Variants in GALNT13 observed in about 807,000 individuals in gnomAD.
GALNT13 encodes the protein UDP-GalNAc:polypeptide N-acetylgalactosaminyltransferase 13.
In GALNT13, 28 loss-of-function variants were observed where a neutral mutation model predicts 64.2. The ratio of observed to expected loss-of-function variants is 0.44; its 90% CI spans 0.32 to 0.60. GALNT13 has a LOEUF of 0.60. GALNT13 is among the 20% of genes least tolerant of loss of function. The pLI, the probability that GALNT13 is intolerant of heterozygous loss-of-function variation, is 0.05. For synonymous variants in GALNT13, 214 were observed against 224.6 expected, an observed-to-expected ratio of 0.95 and a Z score of 0.42; for missense variants, 577 against 669.8, an observed-to-expected ratio of 0.86 and a Z score of 1.53.
At chr2:153,241,554 A>G in the GALNT13 span, among the ~76,000 whole-genome samples, 3 of 151,960 alleles carry the variant, frequency 2.0e-5, no homozygotes, top group Non-Finnish European at 4.4e-5. Context: ...GGTCCTTCAA[A>G]CGCTACTCCA....
the GALNT13 span, among the ~76,000 whole-genome samples, chr2:153,387,662 A>G: frequency 6.6e-6 from 1 of 152,080 alleles, no homozygotes; most frequent in Admixed American, 6.6e-5. Flanking sequence ...ATTTTTACTT[A>G]TAGGAATAAA....
At chr2:153,619,594 C>T in the GALNT13 span, among the ~76,000 whole-genome samples, 1,064 of 152,104 alleles carry the variant, frequency 7.0e-3, 8 homozygotes, top group African/African-American at 0.024. Flanking sequence ...TCTTATAGGA[C>T]GGGCCTTGTA....
the GALNT13 span, among the ~76,000 whole-genome samples, chr2:153,633,900 A>G: frequency 6.6e-6 from 1 of 152,224 alleles, no homozygotes; most frequent in Non-Finnish European, 1.5e-5. Context: ...AAGTCTGTGG[A>G]CAGAACTGTC....
At chr2:153,601,987 G>T in the GALNT13 span, among the ~76,000 whole-genome samples, 1 of 151,764 alleles carries the variant, frequency 6.6e-6, no homozygotes, top group Non-Finnish European at 1.5e-5. Context: ...GCTTAAATTG[G>T]CAAATTCTCA....
the GALNT13 span, among the ~76,000 whole-genome samples, chr2:153,847,163 T>C: frequency 6.6e-6 from 1 of 151,990 alleles, no homozygotes; most frequent in African/African-American, 2.4e-5. Flanking sequence ...CCTTTCACAA[T>C]GACAAAGGGG....
chr2:154,373,224 A>T (rs1340294048), intron 9 of GALNT13, among the ~76,000 whole-genome samples: 1 of 152,168 alleles, frequency 6.6e-6, no homozygotes, highest in Non-Finnish European at 1.5e-5. Context: ...GTACAGTGTG[A>T]GGAAACACTA....
intron 12 of GALNT13, chr2:154,446,471 T>C (rs1701581420): frequency 7.8e-7 from 1 of 1,280,740 alleles, no homozygotes; most frequent in Non-Finnish European, 1.0e-6. Flanking sequence ...GCCTTCCATC[T>C]TTATCCAGTA....
At chr2:154,303,830 C>T (rs1693584728) in intron 9 of GALNT13, among the ~76,000 whole-genome samples, 1 of 151,668 alleles carries the variant, frequency 6.6e-6, no homozygotes, top group Non-Finnish European at 1.5e-5. Context: ...GTGATCTCGG[C>T]TCACTGCAAA....
chr2:153,527,181 A>C, the GALNT13 span, among the ~76,000 whole-genome samples: 4,850 of 152,216 alleles, frequency 0.032, 242 homozygotes, highest in African/African-American at 0.11. Flanking sequence ...TCATTATCTA[A>C]GTACAAGAAG....
the GALNT13 span, among the ~76,000 whole-genome samples, chr2:153,283,561 A>G: frequency 3.3e-5 from 5 of 152,190 alleles, no homozygotes; most frequent in East Asian, 9.7e-4. Flanking sequence ...GGGTGCTCCA[A>G]ATGCCCAGAG....
intron 3 of GALNT13, among the ~76,000 whole-genome samples, chr2:153,969,239 G>T (rs1339071273): frequency 6.6e-6 from 1 of 151,664 alleles, no homozygotes; most frequent in Non-Finnish European, 1.5e-5. Context: ...CATCACAAAG[G>T]CCTCTAGAGA....
chr2:153,926,784 G>C (rs1690169557), intron 2 of GALNT13, among the ~76,000 whole-genome samples: 1 of 152,094 alleles, frequency 6.6e-6, no homozygotes. Flanking sequence ...AGATGAGTCA[G>C]AAATTTAGTC....
At chr2:153,904,140 T>C (rs1254867932) in intron 2 of GALNT13, among the ~76,000 whole-genome samples, 1 of 152,034 alleles carries the variant, frequency 6.6e-6, no homozygotes, top group East Asian at 1.9e-4. Context: ...GTTTCTTTAA[T>C]GTTTTTGTGT....
chr2:153,523,432 T>C, the GALNT13 span, among the ~76,000 whole-genome samples: 1 of 152,190 alleles, frequency 6.6e-6, no homozygotes. Flanking sequence ...CTTAACAATA[T>C]TGAGTCTTTT....
chr2:154,426,539 A>G (rs929977371), intron 11 of GALNT13, among the ~76,000 whole-genome samples: 3 of 152,186 alleles, frequency 2.0e-5, no homozygotes, highest in Non-Finnish European at 4.4e-5. Flanking sequence ...ACATTCAAGC[A>G]TAACTCGTGG....
the GALNT13 span, among the ~76,000 whole-genome samples, chr2:153,454,730 G>A: frequency 6.6e-6 from 1 of 152,110 alleles, no homozygotes; most frequent in Non-Finnish European, 1.5e-5. Context: ...ACTTAGTTCA[G>A]GTTTTCAACA....
the GALNT13 span, among the ~76,000 whole-genome samples, chr2:153,553,231 G>A: frequency 6.6e-6 from 1 of 152,154 alleles, no homozygotes; most frequent in Non-Finnish European, 1.5e-5. Context: ...ATTAGATGTT[G>A]GCCACATGTG....
chr2:154,405,558 C>G (rs1359801639), intron 10 of GALNT13, among the ~76,000 whole-genome samples: 1 of 146,862 alleles, frequency 6.8e-6, no homozygotes, highest in Non-Finnish European at 1.5e-5. Context: ...ACCAGCCTGA[C>G]CAATATGATG....
chr2:153,362,642 G>A, the GALNT13 span, among the ~76,000 whole-genome samples: 4 of 149,430 alleles, frequency 2.7e-5, no homozygotes, highest in East Asian at 5.9e-4. Context: ...AAAAGACGAA[G>A]GATATTATAT....
Sources: gnomAD v4.1 joint callset for allele counts (sites outside exome capture counted in the v4.1 genomes callset) on GRCh38, gnomAD v4.1.1 for gene constraint, MANE v1.5 for transcripts, NCBI Gene and HGNC (gene_info 2026-07-23, HGNC 2026-07-21) for gene names.